The following TBC1D12 variants were observed in gnomAD, a reference collection of about 807,000 sequenced individuals.
TBC1D12 encodes the protein TBC1 domain family, member 12.
In TBC1D12, 56 loss-of-function variants were observed where a neutral mutation model predicts 86.7. The observed-to-expected ratio is 0.65, with a 90% CI of 0.52 to 0.81. The LOEUF (loss-of-function observed/expected upper bound fraction) is 0.81. Among genes scored for constraint, TBC1D12 ranks in the 30% least tolerant of loss-of-function variants. The pLI is 0.00. For missense variants in TBC1D12, 1,023 were observed against 1,038.8 expected, an observed-to-expected ratio of 0.98 and a Z score of 0.21; for synonymous variants, 421 against 411.7, an observed-to-expected ratio of 1.02 and a Z score of -0.27.
intron 1 of TBC1D12, among the ~76,000 whole-genome samples, chr10:94,411,528 G>A (rs1017059185): frequency 1.3e-5 from 2 of 151,868 alleles, no homozygotes; most frequent in Non-Finnish European, 2.9e-5. Flanking sequence ...TTCCAGCCTG[G>A]GCAGCATAGC....
intron 2 of TBC1D12, among the ~76,000 whole-genome samples, chr10:94,447,252 A>G (rs1003711815): frequency 4.0e-5 from 6 of 151,802 alleles, no homozygotes; most frequent in Non-Finnish European, 1.5e-5. Flanking sequence ...TATATTTTGC[A>G]TATGTGGAAT....
intron 2 of TBC1D12, among the ~76,000 whole-genome samples, chr10:94,473,275 G>A (rs1028206317): frequency 1.3e-5 from 2 of 151,202 alleles, no homozygotes; most frequent in African/African-American, 4.9e-5. Context: ...TGGGAGAATC[G>A]CTTGAACCCG....
At chr10:94,525,574 C>T (rs1187990663) in intron 11 of TBC1D12, among the ~76,000 whole-genome samples, 3 of 149,286 alleles carry the variant, frequency 2.0e-5, no homozygotes, top group Non-Finnish European at 4.4e-5. Flanking sequence ...GCACGAGAAT[C>T]GCTTGAACCC....
intron 6 of TBC1D12, among the ~76,000 whole-genome samples, chr10:94,502,691 C>A (rs2056413955): frequency 6.6e-6 from 1 of 152,070 alleles, no homozygotes; most frequent in Admixed American, 6.5e-5. Flanking sequence ...GACCCTGTCT[C>A]TAAATAAATA....
chr10:94,414,328 G>GA (rs2054969415), intron 1 of TBC1D12, among the ~76,000 whole-genome samples: 1 of 152,202 alleles, frequency 6.6e-6, no homozygotes. Flanking sequence ...AACTATTAGA[G>GA]AATGAGTTTG....
intron 3 of TBC1D12, among the ~76,000 whole-genome samples, chr10:94,478,620 G>A (rs927147724): frequency 4.6e-5 from 7 of 152,156 alleles, no homozygotes; most frequent in African/African-American, 9.7e-5. Flanking sequence ...TCTCTTATGT[G>A]TAGCTGAATG....
In TBC1D12 at chr10:94,468,613, A is replaced by T. The variant is rs538275209; in HGVS notation, c.1096-6055A>T. On this transcript the variant is annotated intron_variant, in intron 2 of 12. Transcript: ENST00000225235. ...GTGCTTTTTTTCTGGCTGCTTTTAAAATATTCTTCTTACCATTATATTTTA... is the reference window on the plus strand; with the variant it reads ...GTGCTTTTTTTCTGGCTGCTTTTAATATATTCTTCTTACCATTATATTTTA... 3.3e-5 allele frequency among the ~76,000 whole-genome samples: 5 copies of T among 152,212 alleles called. No homozygotes were observed. The South Asian group carries it at 8.3e-4, about 25-fold the overall frequency.
chr10:94,500,129 A>G (rs746138700), intron 5 of TBC1D12, 92 bp from the exon 6 acceptor site: 27 of 1,101,136 alleles, frequency 2.5e-5, no homozygotes, highest in Middle Eastern at 2.0e-4. Flanking sequence ...TGATTTGATC[A>G]CTTGGCCATA....
intron 1 of TBC1D12, among the ~76,000 whole-genome samples, chr10:94,441,557 T>C (rs1304148636): frequency 6.6e-6 from 1 of 152,156 alleles, no homozygotes; most frequent in Non-Finnish European, 1.5e-5. Flanking sequence ...ATGATTCTTC[T>C]AATACCTCTA....
chr10:94,459,574 C>T (rs369299599), intron 2 of TBC1D12, among the ~76,000 whole-genome samples: 177 of 152,308 alleles, frequency 1.2e-3, no homozygotes, highest in Admixed American at 2.2e-3. Context: ...GCTCGGGCCG[C>T]GCAGGAGCCC....
chr10:94,480,801 T>C (rs2056066884), intron 3 of TBC1D12, among the ~76,000 whole-genome samples: 1 of 150,958 alleles, frequency 6.6e-6, no homozygotes. Flanking sequence ...TGCTTGAGTC[T>C]GAGAGGCAGA....
intron 6 of TBC1D12, among the ~76,000 whole-genome samples, chr10:94,500,728 C>T (rs1469742508): frequency 6.6e-6 from 1 of 152,074 alleles, no homozygotes; most frequent in African/African-American, 2.4e-5. Context: ...TCCTTCTTTA[C>T]CTAAACCAGT....
intron 2 of TBC1D12, among the ~76,000 whole-genome samples, chr10:94,468,127 A>G (rs573680361): frequency 3.3e-4 from 51 of 152,320 alleles, no homozygotes; most frequent in African/African-American, 1.2e-3. Context: ...AGAACCTTAC[A>G]ACAGTGTACT....
At chr10:94,479,959 A>C (rs2056051904) in intron 3 of TBC1D12, among the ~76,000 whole-genome samples, 1 of 152,180 alleles carries the variant, frequency 6.6e-6, no homozygotes, top group African/African-American at 2.4e-5. Flanking sequence ...CTTCATTTTC[A>C]TGGTGACCTT....
At chr10:94,531,727 ATTTTATGTT>A (rs1842426722) in intron 12 of TBC1D12, among the ~76,000 whole-genome samples, 1 of 141,836 alleles carries the variant, frequency 7.1e-6, no homozygotes, top group Non-Finnish European at 1.5e-5. Flanking sequence ...ATTTTATGTT[ATTTTATGTT>A]ATGTTATTTT....
In TBC1D12 at chr10:94,403,418, A is replaced by C; in HGVS notation, c.805A>C (p.Ile269Leu). 1 of 1,549,720 alleles carries C rather than the reference A, an allele frequency of 6.5e-7. No homozygotes were observed. The change falls in exon 1 of 13, where the codon ATT (isoleucine) becomes CTT (leucine). Residue 269 changes from isoleucine to leucine, a missense_variant. Ile to Leu is a conservative substitution (Grantham distance 5, BLOSUM62 2). Coordinates refer to ENST00000225235, the MANE Select transcript of TBC1D12 (RefSeq NM_015188.2). ...GGAGCCGCGCCTGGGCTTTTCTGAC[A>C]TTCACTTCAACTCTCGCAACACGTT... ...GAEPRLGFSD[I>L]HFNSRNTFQV...
intron 2 of TBC1D12, among the ~76,000 whole-genome samples, chr10:94,470,970 G>A (rs1485949899): frequency 1.3e-5 from 2 of 151,948 alleles, no homozygotes; most frequent in African/African-American, 2.4e-5. Context: ...TTTGAGTGAC[G>A]ATTCTGTACA....
intron 1 of TBC1D12, among the ~76,000 whole-genome samples, chr10:94,434,829 C>T (rs549044469): frequency 6.6e-6 from 1 of 152,118 alleles, no homozygotes; most frequent in Admixed American, 6.5e-5. Flanking sequence ...ACTGTTTGAG[C>T]CTGAGAGGTC....
chr10:94,485,605 T>A (rs2056148641), intron 3 of TBC1D12, among the ~76,000 whole-genome samples: 1 of 149,318 alleles, frequency 6.7e-6, no homozygotes, highest in African/African-American at 2.4e-5. Context: ...AATACTGGCC[T>A]CATACAATGA....
Sources: gnomAD v4.1 joint callset for allele counts (sites outside exome capture counted in the v4.1 genomes callset) on GRCh38, gnomAD v4.1.1 for gene constraint, MANE v1.5 for transcripts, NCBI Gene and HGNC (gene_info 2026-07-23, HGNC 2026-07-21) for gene names.